Variants in NUSAP1 observed in about 807,000 individuals in gnomAD.
NUSAP1 encodes nucleolar and spindle associated protein 1, also known as nucleolar and spindle-associated protein 1.
NUSAP1 carries 32 observed loss-of-function variants against 52.8 expected under a neutral mutation model. That is an observed-to-expected ratio of 0.61 (90% confidence interval 0.46 to 0.81). The LOEUF (loss-of-function observed/expected upper bound fraction) is 0.81. Among genes scored for constraint, NUSAP1 ranks in the 40% least tolerant of loss-of-function variants. The pLI, the probability that NUSAP1 is intolerant of heterozygous loss-of-function variation, is 0.00. For synonymous variants in NUSAP1, 195 were observed against 183.1 expected, an observed-to-expected ratio of 1.06 and a Z score of -0.52; for missense variants, 499 against 522.3, an observed-to-expected ratio of 0.96 and a Z score of 0.43.
At chr15:41,337,931 CTTTTTTTT>C (rs757341496) in intron 1 of NUSAP1, among the ~76,000 whole-genome samples, 1,477 of 110,976 alleles carry the variant, frequency 0.013, 35 homozygotes, top group African/African-American at 0.052. Flanking sequence ...TTTCTTTTTT[CTTTTTTTT>C]TTTTTTTTTT....
At chr15:41,340,595 T>C (rs909191554) in intron 1 of NUSAP1, among the ~76,000 whole-genome samples, 11 of 152,166 alleles carry the variant, frequency 7.2e-5, no homozygotes, top group African/African-American at 2.2e-4. Context: ...CCTCATATCA[T>C]TCAACCTCCT....
chr15:41,345,383 T>C, intron 2 of NUSAP1: 2 of 380,884 alleles, frequency 5.3e-6, no homozygotes, highest in South Asian at 3.9e-5. Flanking sequence ...CCTGCTCCTT[T>C]TTTAGCTCAT....
In NUSAP1 at chr15:41,349,102, A is replaced by T; in HGVS notation, c.167A>T (p.Glu56Val). Residue 56 changes from glutamate to valine, a missense_variant, in exon 3 of 11, where the codon GAA (glutamate) becomes GTA (valine). Glu to Val is a moderately radical substitution (Grantham distance 121). Transcript: ENST00000559596. The part of the protein sequence containing the change: ...EARKGNENQD[E>V]SQTSASSCDE... ...GATTAATACCTCTCTTTTCAGGATGAAAGTCAAACTTCTGCATCCTCTTGT... is the reference window on the plus strand; with the variant it reads ...GATTAATACCTCTCTTTTCAGGATGTAAGTCAAACTTCTGCATCCTCTTGT... 1 of 1,613,730 alleles carries T rather than the reference A, an allele frequency of 6.2e-7. No individual in the cohort carries two copies. Among genetic ancestry groups the T allele is most frequent in the Non-Finnish European group, 8.5e-7 (1 of 1,179,730 alleles).
intron 1 of NUSAP1, among the ~76,000 whole-genome samples, chr15:41,341,969 CATT>C (rs1313396591): frequency 1.3e-5 from 2 of 152,252 alleles, no homozygotes; most frequent in Admixed American, 1.3e-4. Context: ...ACTCCACCCT[CATT>C]GTTGCCTTGC....
At chr15:41,362,123 G>C (rs2049200714) in intron 6 of NUSAP1, among the ~76,000 whole-genome samples, 1 of 152,120 alleles carries the variant, frequency 6.6e-6, no homozygotes, top group Non-Finnish European at 1.5e-5. Flanking sequence ...GCTGAGGTGG[G>C]AGGGTTGCTT....
chr15:41,365,107 C>T (rs2049336274), intron 6 of NUSAP1, among the ~76,000 whole-genome samples: 4 of 152,112 alleles, frequency 2.6e-5, no homozygotes, highest in African/African-American at 7.2e-5. Flanking sequence ...TAAATGGAAA[C>T]GCTCTTCTGA....
At chr15:41,377,105 G>T in intron 9 of NUSAP1, 91 bp from the exon 10 acceptor site, 1 of 679,472 alleles carries the variant, frequency 1.5e-6, no homozygotes, top group Admixed American at 3.1e-5. Context: ...TATAAATGTT[G>T]ATAGCAGGTA....
At chr15:41,355,802 G>A (rs1454787118) in intron 4 of NUSAP1, among the ~76,000 whole-genome samples, 6 of 151,614 alleles carry the variant, frequency 4.0e-5, no homozygotes, top group Admixed American at 1.3e-4. Context: ...TCAACCTCCC[G>A]AGTAGCTGGG....
At chr15:41,349,276 C>A in intron 3 of NUSAP1, 35 bp downstream of exon 3, 1 of 1,589,374 alleles carries the variant, frequency 6.3e-7, no homozygotes, top group Non-Finnish European at 8.6e-7. Flanking sequence ...AATAAACCAC[C>A]TATGCCAAAA....
chr15:41,354,956 C>G (rs1034311770), intron 4 of NUSAP1, among the ~76,000 whole-genome samples: 8 of 148,250 alleles, frequency 5.4e-5, no homozygotes, highest in Admixed American at 4.7e-4. Context: ...GGAGGTGGAG[C>G]TTGCAGTGAG....
intron 1 of NUSAP1, among the ~76,000 whole-genome samples, chr15:41,339,172 G>A (rs1164752644): frequency 1.3e-5 from 2 of 152,094 alleles, no homozygotes; most frequent in Non-Finnish European, 2.9e-5. Context: ...GGTGATATTA[G>A]GAAATTATTG....
intron 1 of NUSAP1, among the ~76,000 whole-genome samples, chr15:41,337,169 C>T (rs1038297794): frequency 1.6e-4 from 25 of 152,060 alleles, no homozygotes; most frequent in African/African-American, 6.0e-4. Flanking sequence ...GGCATGACCA[C>T]CCTGCCTGGC....
chr15:41,360,000 C>T (rs990744733), intron 6 of NUSAP1, among the ~76,000 whole-genome samples: 3 of 151,908 alleles, frequency 2.0e-5, no homozygotes, highest in Non-Finnish European at 4.4e-5. Flanking sequence ...ACTCTGTCAC[C>T]CAGGCTGGAG....
At chr15:41,351,623 A>G (rs2048782063) in intron 4 of NUSAP1, among the ~76,000 whole-genome samples, 1 of 152,142 alleles carries the variant, frequency 6.6e-6, no homozygotes. Flanking sequence ...CTGTCTCTAC[A>G]AAAAGTCAAA....
At chr15:41,372,729 A>T (rs1347997774) in intron 8 of NUSAP1, among the ~76,000 whole-genome samples, 1 of 152,020 alleles carries the variant, frequency 6.6e-6, no homozygotes, top group Admixed American at 6.6e-5. Context: ...TTAGATCCTG[A>T]TTGCTGTTTC....
chr15:41,352,391 CTG>C (rs1364096559), intron 4 of NUSAP1, among the ~76,000 whole-genome samples: 8 of 152,078 alleles, frequency 5.3e-5, no homozygotes, highest in Non-Finnish European at 1.2e-4. Context: ...GTTAGAGAGA[CTG>C]AGAGAGGATA....
In NUSAP1 at chr15:41,375,456, G is replaced by A. The variant is rs185920646; in HGVS notation, c.1007-256G>A. On this transcript the variant is annotated intron_variant, in intron 8 of 10. Coordinates refer to ENST00000559596, the MANE Select transcript of NUSAP1 (RefSeq NM_016359.5). Reference sequence around the variant, plus strand: ...CTCTCAAAGTGCTGAGATTACAGGTGTGAGCCACCACACCTCTAGATAATT... The same window carrying A: ...CTCTCAAAGTGCTGAGATTACAGGTATGAGCCACCACACCTCTAGATAATT... 4.1e-3 allele frequency among the ~76,000 whole-genome samples: 622 copies of A among 152,104 alleles called. 5 individuals are homozygous for A. Among genetic ancestry groups the A allele is most frequent in the African/African-American group, 0.014 (599 of 41,504 alleles).
chr15:41,347,965 T>G (rs1314903324), intron 2 of NUSAP1, among the ~76,000 whole-genome samples: 1 of 151,832 alleles, frequency 6.6e-6, no homozygotes, highest in Non-Finnish European at 1.5e-5. Flanking sequence ...TCTACAAAAT[T>G]AAAACAATTA....
At chr15:41,378,265 C>T (rs2140883339) in intron 10 of NUSAP1, among the ~76,000 whole-genome samples, 1 of 152,280 alleles carries the variant, frequency 6.6e-6, no homozygotes, top group East Asian at 1.9e-4. Flanking sequence ...ATTCCTCACT[C>T]CTAAGAAAAC....
Sources: allele counts gnomAD v4.1 joint callset (sites outside exome capture counted in the v4.1 genomes callset), GRCh38; gene constraint gnomAD v4.1.1; transcripts MANE v1.5; gene names NCBI Gene and HGNC (gene_info 2026-07-23, HGNC 2026-07-21).